ECM2: variants seen among roughly 807,000 people sequenced by gnomAD.
The protein encoded by ECM2 is extracellular matrix protein 2, female organ and adipocyte specific.
A neutral mutation model predicts 67.5 loss-of-function variants in ECM2; 57 were observed. The ratio of observed to expected loss-of-function variants is 0.84; its 90% CI spans 0.68 to 1.05. The LOEUF (loss-of-function observed/expected upper bound fraction) is 1.05, where lower values mean the gene tolerates loss of function less well. Among genes scored for constraint, ECM2 ranks in the 50% least tolerant of loss-of-function variants. The pLI, the probability that ECM2 is intolerant of heterozygous loss-of-function variation, is 0.00. For missense variants in ECM2, 741 were observed against 822.8 expected (o/e 0.90, Z 1.22); for synonymous variants, 258 against 294.5 (o/e 0.88, Z 1.27).
intron 9 of ECM2, among the ~76,000 whole-genome samples, chr9:92,500,446 G>T (rs896992983): frequency 6.6e-6 from 1 of 152,216 alleles, no homozygotes; most frequent in Non-Finnish European, 1.5e-5. Context: ...GCGTCCCAAA[G>T]TGCTGGAATT....
chr9:92,545,234 C>G, the ECM2 span, among the ~76,000 whole-genome samples: 2 of 152,054 alleles, frequency 1.3e-5, no homozygotes, highest in East Asian at 3.9e-4. Context: ...CTGGGATGGC[C>G]GAGGCCGGAG....
At chr9:92,502,424 C>G in intron 8 of ECM2, 89 bp downstream of exon 8, 1 of 1,496,018 alleles carries the variant, frequency 6.7e-7, no homozygotes, top group East Asian at 2.3e-5. Context: ...ACCTCCCTCA[C>G]TTATCCCATT....
chr9:92,545,619 C>A, the ECM2 span, among the ~76,000 whole-genome samples: 57,424 of 152,068 alleles, frequency 0.38, 13,481 homozygotes, highest in African/African-American at 0.66. Context: ...CGCCCAAGGG[C>A]TGAGGAGTGC....
chr9:92,502,763 G>T, intron 7 of ECM2, 111 bp from the exon 8 acceptor site: 8 of 736,346 alleles, frequency 1.1e-5, no homozygotes, highest in South Asian at 2.4e-5. Flanking sequence ...TATCTAAAGA[G>T]TCTTACTGCT....
intron 2 of ECM2, among the ~76,000 whole-genome samples, chr9:92,520,292 G>A (rs1326501141): frequency 1.3e-5 from 2 of 151,772 alleles, no homozygotes; most frequent in African/African-American, 2.4e-5. Context: ...CTTAAAAAAA[G>A]AAAGAAATAG....
chr9:92,507,009 G>C (rs1325011560), intron 6 of ECM2, among the ~76,000 whole-genome samples: 1 of 152,124 alleles, frequency 6.6e-6, no homozygotes, highest in Non-Finnish European at 1.5e-5. Context: ...CCGGGTTCAA[G>C]CAATTCTCCT....
the ECM2 span, among the ~76,000 whole-genome samples, chr9:92,556,281 T>G: frequency 6.6e-6 from 1 of 152,198 alleles, no homozygotes; most frequent in African/African-American, 2.4e-5. Flanking sequence ...TTTTTTAAAT[T>G]TATTGAGACT....
At chr9:92,521,462 T>C (rs1848064950) in intron 2 of ECM2, among the ~76,000 whole-genome samples, 1 of 152,210 alleles carries the variant, frequency 6.6e-6, no homozygotes, top group Admixed American at 6.5e-5. Flanking sequence ...TCAGGATAAT[T>C]GTATATTATT....
At chr9:92,527,705 T>C (rs143791013) in intron 1 of ECM2, among the ~76,000 whole-genome samples, 62 of 152,236 alleles carry the variant, frequency 4.1e-4, no homozygotes, top group African/African-American at 1.4e-3. Flanking sequence ...GTTTAGGAAA[T>C]GCAGGGTGAT....
At chr9:92,536,156 T>C, upstream of ECM2, 1 of 382,922 alleles carries the variant, frequency 2.6e-6, no homozygotes, top group Non-Finnish European at 4.9e-6. Context: ...CCAGGGAAAA[T>C]GGTTACCAAG....
At chr9:92,516,362 C>T (rs746266589) in intron 3 of ECM2, among the ~76,000 whole-genome samples, 1 of 152,170 alleles carries the variant, frequency 6.6e-6, no homozygotes, top group Non-Finnish European at 1.5e-5. Flanking sequence ...CGTGCCCAGC[C>T]AGAGTGCATA....
At chr9:92,512,199 T>C (rs931513900) in intron 4 of ECM2, 73 bp from the exon 5 acceptor site, 7 of 932,256 alleles carry the variant, frequency 7.5e-6, no homozygotes, top group Middle Eastern at 2.2e-4. Flanking sequence ...TGGGCATGTG[T>C]GCATAGATAT....
upstream of ECM2, among the ~76,000 whole-genome samples, chr9:92,539,345 T>TCCCCCAC (rs1424985121): frequency 6.3e-5 from 7 of 111,904 alleles, no homozygotes; most frequent in East Asian, 2.1e-3. Flanking sequence ...CTTCCCCCGC[T>TCCCCCAC]CCCCCACCCC....
intron 6 of ECM2, among the ~76,000 whole-genome samples, chr9:92,505,915 GA>G (rs1322824611): frequency 6.6e-6 from 1 of 152,080 alleles, no homozygotes; most frequent in Non-Finnish European, 1.5e-5. Context: ...AGGCAGACCT[GA>G]AAAAAATCAT....
At chr9:92,512,702 T>G (rs1489671146) in intron 4 of ECM2, among the ~76,000 whole-genome samples, 2 of 152,230 alleles carry the variant, frequency 1.3e-5, no homozygotes, top group Non-Finnish European at 2.9e-5. Flanking sequence ...AGGTTTTTGT[T>G]TTAACATTTA....
the ECM2 span, among the ~76,000 whole-genome samples, chr9:92,544,712 ATTTTT>A: frequency 5.7e-3 from 758 of 132,454 alleles, 13 homozygotes; most frequent in Non-Finnish European, 5.3e-3. Flanking sequence ...ATCACTATAA[ATTTTT>A]TTTTTTTTTT....
Position 92,522,146 on chromosome 9 carries a change from G to T in ECM2, c.292+429C>A, listed in dbSNP as rs188491744. On this transcript the variant is annotated intron_variant, in intron 2 of 9. Transcript: ENST00000344604. ...CTGTCGCCCAGGCTGGAGTGCAGTG[G>T]TGTGATCTCTGCTCACTGCAACCTC... 7.2e-5 allele frequency among the ~76,000 whole-genome samples: 11 copies of T among 152,192 alleles called. 1 individual carries two copies. In the East Asian group the frequency reaches 2.1e-3, roughly 29 times the overall value.
At chr9:92,549,539 C>T in the ECM2 span, among the ~76,000 whole-genome samples, 1 of 151,354 alleles carries the variant, frequency 6.6e-6, no homozygotes, top group East Asian at 1.9e-4. Context: ...CCCAGCCACT[C>T]GGGAGGCTGA....
intron 7 of ECM2, among the ~76,000 whole-genome samples, chr9:92,504,998 C>T (rs1288350080): frequency 1.3e-5 from 2 of 152,176 alleles, no homozygotes; most frequent in African/African-American, 4.8e-5. Flanking sequence ...TGGAGTTAGT[C>T]ACAGGACAGT....
Sources: gnomAD v4.1 joint callset for allele counts (sites outside exome capture counted in the v4.1 genomes callset) on GRCh38, gnomAD v4.1.1 for gene constraint, MANE v1.5 for transcripts, NCBI Gene and HGNC (gene_info 2026-07-23, HGNC 2026-07-21) for gene names.